The following PTPRD variants were observed in gnomAD, a reference collection of about 807,000 sequenced individuals.
PTPRD encodes the protein protein tyrosine phosphatase receptor type D.
In PTPRD, 34 loss-of-function variants were observed where a neutral mutation model predicts 214.5. The observed-to-expected ratio is 0.16, with a 90% confidence interval of 0.12 to 0.21. PTPRD has a LOEUF of 0.21. Among genes scored for constraint, PTPRD ranks in the 10% least tolerant of loss-of-function variants. The pLI is 1.00. For synonymous variants in PTPRD, 1,128 were observed against 845.7 expected (o/e 1.33, Z -5.79); for missense variants, 2,545 against 2,398.7 (o/e 1.06, Z -1.27).
intron 2 of PTPRD, among the ~76,000 whole-genome samples, chr9:10,582,463 G>T (rs2072259113): frequency 6.6e-6 from 1 of 152,064 alleles, no homozygotes; most frequent in African/African-American, 2.4e-5. Flanking sequence ...TGTATATTTT[G>T]TTAGCTTGTT....
At chr9:8,821,558 T>C (rs143022168) in intron 11 of PTPRD, among the ~76,000 whole-genome samples, 25 of 152,288 alleles carry the variant, frequency 1.6e-4, no homozygotes, top group Admixed American at 3.3e-4. Context: ...TGGAGGCCAA[T>C]CCCAATGCAG....
chr9:9,174,408 T>C (rs2099923347), intron 10 of PTPRD, among the ~76,000 whole-genome samples: 1 of 152,204 alleles, frequency 6.6e-6, no homozygotes, highest in Non-Finnish European at 1.5e-5. Context: ...TTACATACTT[T>C]TATTTTAATC....
chr9:8,830,246 G>C (rs2097261398), intron 11 of PTPRD, among the ~76,000 whole-genome samples: 1 of 151,986 alleles, frequency 6.6e-6, no homozygotes, highest in Non-Finnish European at 1.5e-5. Flanking sequence ...CAAGCACTTG[G>C]GTTCCACAGT....
chr9:10,339,302 T>C (rs2096897785), intron 3 of PTPRD, among the ~76,000 whole-genome samples: 1 of 151,932 alleles, frequency 6.6e-6, no homozygotes, highest in Non-Finnish European at 1.5e-5. Flanking sequence ...GGCTTTTTCA[T>C]TGTTGTTCTT....
At chr9:8,698,455 T>C (rs985711822) in intron 12 of PTPRD, among the ~76,000 whole-genome samples, 2 of 152,222 alleles carry the variant, frequency 1.3e-5, no homozygotes, top group Non-Finnish European at 2.9e-5. Context: ...CTCCTATGAT[T>C]CATGTTACAA....
intron 9 of PTPRD, among the ~76,000 whole-genome samples, chr9:9,361,885 G>A (rs1426950999): frequency 6.6e-6 from 1 of 150,878 alleles, no homozygotes; most frequent in African/African-American, 2.4e-5. Context: ...CTAGAAATGG[G>A]CATACAGGAA....
At chr9:10,199,900 C>T (rs1334728433) in intron 3 of PTPRD, among the ~76,000 whole-genome samples, 1 of 122,270 alleles carries the variant, frequency 8.2e-6, no homozygotes, top group Non-Finnish European at 1.6e-5. Flanking sequence ...TGGGCACTCG[C>T]GCGCACACAC....
chr9:10,274,284 T>C (rs887803324), intron 3 of PTPRD, among the ~76,000 whole-genome samples: 10 of 152,130 alleles, frequency 6.6e-5, no homozygotes, highest in East Asian at 1.9e-4. Context: ...TGAAAACAGA[T>C]TGACTTGCTA....
chr9:8,897,855 T>C (rs1218860969), intron 11 of PTPRD, among the ~76,000 whole-genome samples: 4 of 151,300 alleles, frequency 2.6e-5, no homozygotes, highest in Non-Finnish European at 4.4e-5. Context: ...ACTCCAACTC[T>C]TTATTTACAG....
At chr9:10,451,886 A>G (rs886179114) in intron 2 of PTPRD, among the ~76,000 whole-genome samples, 2 of 151,938 alleles carry the variant, frequency 1.3e-5, no homozygotes, top group Non-Finnish European at 2.9e-5. Context: ...CAGTAACTTC[A>G]TAGCGTCAGT....
intron 3 of PTPRD, among the ~76,000 whole-genome samples, chr9:10,034,457 T>C (rs1266161533): frequency 6.8e-6 from 1 of 147,440 alleles, no homozygotes; most frequent in Admixed American, 7.0e-5. Context: ...CAGGGGTACA[T>C]GTGCAGTTTT....
intron 3 of PTPRD, among the ~76,000 whole-genome samples, chr9:10,288,480 C>G (rs2095430824): frequency 6.6e-6 from 1 of 151,992 alleles, no homozygotes; most frequent in Non-Finnish European, 1.5e-5. Flanking sequence ...TTCAGAAATG[C>G]AGAAGTAGAA....
chr9:10,440,348 C>A (rs185179546), intron 2 of PTPRD, among the ~76,000 whole-genome samples: 2 of 151,642 alleles, frequency 1.3e-5, no homozygotes, highest in African/African-American at 4.8e-5. Context: ...TTAAAAAGAG[C>A]TTCTTCAAAA....
intron 2 of PTPRD, among the ~76,000 whole-genome samples, chr9:10,463,925 T>A (rs2098976041): frequency 6.6e-6 from 1 of 152,084 alleles, no homozygotes; most frequent in African/African-American, 2.4e-5. Flanking sequence ...AAAAATAAAA[T>A]AGAATTATAA....
At position 9,045,949 on chromosome 9, in the gene PTPRD, C is replaced by T. The variant is rs183533088; in HGVS notation, c.-142-27214G>A. Among the ~76,000 whole-genome samples, 4 of 152,292 alleles carry T rather than the reference C, an allele frequency of 2.6e-5. No individual in the cohort carries two copies. In the East Asian group the frequency reaches 7.7e-4, roughly 29 times the overall value. ...CTGCTGAGATCGGTTTATCCAGATG[C>T]TTCTCAGCTGCCTCGGTTCTGCACA... On this transcript the variant is annotated intron_variant, in intron 10 of 45. Transcript: ENST00000381196.
chr9:9,627,333 T>A (rs1372239420), intron 7 of PTPRD, among the ~76,000 whole-genome samples: 1 of 152,160 alleles, frequency 6.6e-6, no homozygotes, highest in Non-Finnish European at 1.5e-5. Context: ...GCAGAAGCAA[T>A]AACAAAGTCC....
chr9:8,628,254 A>G (rs2096117148), intron 14 of PTPRD, among the ~76,000 whole-genome samples: 1 of 151,990 alleles, frequency 6.6e-6, no homozygotes, highest in South Asian at 2.1e-4. Flanking sequence ...TGTAATCAAC[A>G]TGCTAATTCT....
intron 5 of PTPRD, among the ~76,000 whole-genome samples, chr9:9,916,716 T>C (rs1408645796): frequency 1.3e-5 from 2 of 151,996 alleles, no homozygotes; most frequent in Non-Finnish European, 2.9e-5. Flanking sequence ...AGATTTAAAC[T>C]TCACCATAGA....
chr9:9,976,675 C>G (rs968818769), intron 4 of PTPRD, among the ~76,000 whole-genome samples: 2 of 100,532 alleles, frequency 2.0e-5, no homozygotes, highest in East Asian at 7.3e-4. Flanking sequence ...GTGTGAGCCA[C>G]TACACCCTGC....
Sources: allele counts gnomAD v4.1 joint callset (sites outside exome capture counted in the v4.1 genomes callset), GRCh38; gene constraint gnomAD v4.1.1; transcripts MANE v1.5; gene names NCBI Gene and HGNC (gene_info 2026-07-23, HGNC 2026-07-21).